The following NUDT12 variants were observed in gnomAD, a reference collection of about 807,000 sequenced individuals.
NUDT12 encodes the protein nudix hydrolase 12.
In NUDT12, 42 loss-of-function variants were observed where a neutral mutation model predicts 45.7. The observed-to-expected ratio is 0.92, with a 90% CI of 0.72 to 1.19. NUDT12 has a LOEUF of 1.19. Ranked by LOEUF, NUDT12 falls within the 50% of genes most tolerant of loss-of-function variation. The probability of loss-of-function intolerance (pLI) is 0.00; values close to 1 mark genes in which losing one functional copy is unlikely to be tolerated. For missense variants in NUDT12, 590 were observed against 533.1 expected, an observed-to-expected ratio of 1.11 and a Z score of -1.05; for synonymous variants, 206 against 179.7, an observed-to-expected ratio of 1.15 and a Z score of -1.17.
At chr5:103,557,757 C>T (rs1291283305) in intron 3 of NUDT12, among the ~76,000 whole-genome samples, 1 of 151,776 alleles carries the variant, frequency 6.6e-6, no homozygotes, top group Non-Finnish European at 1.5e-5. Context: ...TTTGATGGCT[C>T]TCCTGCTTGC....
rs1365034297 is a variant in NUDT12, at chr5:103,554,886, C to T, written c.965-33G>A. The T allele has an allele frequency of 1.4e-5, 12 of 854,344 alleles. No individual in the cohort carries two copies. In the East Asian group the frequency reaches 2.8e-4, roughly 20 times the overall value. The allele number at this position is 854,344 out of a possible 1,614,324, so 52.9% of individuals were successfully genotyped here. On this transcript the variant is annotated intron_variant, in intron 4 of 6. Coordinates refer to ENST00000230792, the MANE Select transcript of NUDT12 (RefSeq NM_031438.4). ...AAAAAAAAATCAGATACATGAATGG[C>T]AGGAAAAACGAATTTAGATTCATTG... is the stretch of plus-strand genomic sequence containing the variant.
chr5:103,551,895 A>G lies in NUDT12; in HGVS notation c.1278+322T>C, dbSNP rs373845658. Among the ~76,000 whole-genome samples, 37 of 152,330 alleles carry G rather than the reference A, an allele frequency of 2.4e-4. No individual in the cohort carries two copies. In the East Asian group the frequency reaches 3.7e-3, roughly 15 times the overall value. On this transcript the variant is annotated intron_variant, in intron 6 of 6. Transcript: ENST00000230792. ...AAACTAAAATATAAAATGTATAAGA[A>G]TATTCCTGTTTCTCATCTATGAATT...
intron 3 of NUDT12, among the ~76,000 whole-genome samples, chr5:103,558,208 G>A (rs369974857): frequency 2.0e-5 from 3 of 151,798 alleles, no homozygotes; most frequent in South Asian, 2.1e-4. Context: ...CTTAATTCAT[G>A]CCATATTACC....
Position 103,550,842 on chromosome 5 carries a change from C to G in NUDT12, c.*19G>C. On this transcript the variant is annotated 3_prime_UTR_variant, in exon 7 of 7. Coordinates refer to ENST00000230792, the MANE Select transcript of NUDT12 (RefSeq NM_031438.4). ...TTATTAGAAATTATTAAATAATACTCAAAGCTTAGTTCTTAGATTTAGAGA... is the reference window on the plus strand; with the variant it reads ...TTATTAGAAATTATTAAATAATACTGAAAGCTTAGTTCTTAGATTTAGAGA... The G allele has an allele frequency of 6.6e-7, 1 of 1,510,772 alleles. No homozygotes were observed. Among genetic ancestry groups the G allele is most frequent in the Non-Finnish European group, 9.2e-7 (1 of 1,086,586 alleles). The allele number at this position is 1,510,772 out of a possible 1,614,324, so 93.6% of individuals were successfully genotyped here. A position where few individuals can be genotyped will look rare whatever the true frequency, so the allele number is the denominator to read the frequency against.
intron 6 of NUDT12, among the ~76,000 whole-genome samples, chr5:103,551,265 T>A (rs1455925480): frequency 6.6e-6 from 1 of 151,888 alleles, no homozygotes; most frequent in Non-Finnish European, 1.5e-5. Context: ...GTACCATAGG[T>A]GCACCTGGCT....
In NUDT12 at chr5:103,548,869, TTAATG is replaced by T. The variant is rs1414122774; in HGVS notation, c.*1987_*1991del. The T allele has an allele frequency of 6.6e-6, 1 of 152,166 alleles. No individual in the cohort carries two copies. The highest frequency in any genetic ancestry group is 1.5e-5 in the Non-Finnish European group (1 of 68,000). 9.4% of individuals were successfully genotyped at this position (152,166 alleles called of 1,614,324 possible). A position where few individuals can be genotyped will look rare whatever the true frequency, so the allele number is the denominator to read the frequency against. The stretch of plus-strand genomic sequence containing the variant: ...ACAAAACAAAATAGATTTTAAAAAT[TTAATG>T]TATTATTACATTCATTTCCAGTAGA... On this transcript the variant is annotated 3_prime_UTR_variant, in exon 7 of 7. Coordinates refer to ENST00000230792, the MANE Select transcript of NUDT12 (RefSeq NM_031438.4).
chr5:103,550,075 T>C lies in NUDT12; in HGVS notation c.*786A>G, dbSNP rs1253884533. The stretch of plus-strand genomic sequence containing the variant: ...TGAGGAGAATTCCTTTCAAGTTTAA[T>C]TTCAGTGCAAAAGCAGAGAATCTTG... On this transcript the variant is annotated 3_prime_UTR_variant, in exon 7 of 7. Transcript: ENST00000230792. 2 of 152,186 alleles carry C rather than the reference T, an allele frequency of 1.3e-5. No homozygotes were observed. The highest frequency in any genetic ancestry group is 2.4e-5 in the African/African-American group (1 of 41,450). 9.4% of individuals were successfully genotyped at this position (152,186 alleles called of 1,614,324 possible). A position where few individuals can be genotyped will look rare whatever the true frequency, so the allele number is the denominator to read the frequency against.
Position 103,559,186 on chromosome 5 carries a change from A to T in NUDT12, c.489T>A (p.Gly163=), listed in dbSNP as rs552848658. Residue 163 remains glycine, a synonymous_variant, in exon 3 of 7, where the codon GGT becomes GGA. Coordinates refer to ENST00000230792, the MANE Select transcript of NUDT12 (RefSeq NM_031438.4). Reference sequence around the variant, plus strand: ...GCTGTTGGAAACTTTCTTTATTGCCACCTAGAGTAACCAAGGGATTTAAAT... The same window carrying T: ...GCTGTTGGAAACTTTCTTTATTGCCTCCTAGAGTAACCAAGGGATTTAAAT... ...FSDLNPLVTL[G]GNKESFQQPE... is the part of the protein sequence containing the mutation. The T allele has an allele frequency of 6.4e-7, 1 of 1,558,778 alleles. No homozygotes were observed. Among genetic ancestry groups the T allele is most frequent in the South Asian group, 1.3e-5 (1 of 79,394 alleles).
rs1748585509 is a variant in NUDT12 at position 103,549,471 on chromosome 5, CTTTTAA to C, written c.*1384_*1389del. The C allele has an allele frequency of 6.6e-6, 1 of 151,772 alleles. No homozygotes were observed. The highest frequency in any genetic ancestry group is 2.4e-5 in the African/African-American group (1 of 41,404). The allele number at this position is 151,772 out of a possible 1,614,324, so 9.4% of individuals were successfully genotyped here. On this transcript the variant is annotated 3_prime_UTR_variant, in exon 7 of 7. Coordinates refer to ENST00000230792, the MANE Select transcript of NUDT12 (RefSeq NM_031438.4). The stretch of plus-strand genomic sequence containing the variant: ...ATTAAATTTATTCTTATCATTCCTT[CTTTTAA>C]TTTTGTCTATATATATTTTTAGTAA...
chr5:103,559,474 G>T lies in NUDT12; in HGVS notation c.207-6C>A. 7.2e-7 allele frequency: 1 copy of T among 1,390,062 alleles called. No individual in the cohort carries two copies. The highest frequency in any genetic ancestry group is 9.4e-7 in the Non-Finnish European group (1 of 1,060,364). The allele number at this position is 1,390,062 out of a possible 1,614,324, so 86.1% of individuals were successfully genotyped here. A position where few individuals can be genotyped will look rare whatever the true frequency, so the allele number is the denominator to read the frequency against. The stretch of plus-strand genomic sequence containing the variant: ...TGACAATTGATCTGTCACACCTATA[G>T]ATGGAAGAAAAAATTGGGGAGAAAA... On this transcript the variant is annotated splice_region_variant and splice_polypyrimidine_tract_variant and intron_variant, in intron 2 of 6. Transcript: ENST00000230792.
intron 5 of NUDT12, among the ~76,000 whole-genome samples, chr5:103,552,680 C>G (rs894201874): frequency 3.3e-5 from 5 of 152,042 alleles, no homozygotes; most frequent in Non-Finnish European, 7.4e-5. Context: ...AATAATGATA[C>G]CATCTAAAAA....
At chr5:103,556,473 C>G (rs758641446) in intron 3 of NUDT12, among the ~76,000 whole-genome samples, 4 of 151,918 alleles carry the variant, frequency 2.6e-5, no homozygotes, top group Non-Finnish European at 4.4e-5. Context: ...ACCACAAAGT[C>G]AGTTCTTAAG....
intron 1 of NUDT12, among the ~76,000 whole-genome samples, chr5:103,561,237 A>C (rs928615802): frequency 1.3e-5 from 2 of 152,174 alleles, no homozygotes; most frequent in African/African-American, 4.8e-5. Context: ...TTTTAAGCTA[A>C]AAAGACAGAA....
At chr5:103,556,519 A>G (rs1562619067) in intron 3 of NUDT12, among the ~76,000 whole-genome samples, 1 of 152,054 alleles carries the variant, frequency 6.6e-6, no homozygotes, top group African/African-American at 2.4e-5. Flanking sequence ...TTACTAGGAA[A>G]CTGTAGGAGG....
chr5:103,556,863 G>A (rs1748839089), intron 3 of NUDT12, among the ~76,000 whole-genome samples: 1 of 151,828 alleles, frequency 6.6e-6, no homozygotes. Flanking sequence ...TTTTTGAAAT[G>A]AACAAAATAA....
Position 103,549,650 on chromosome 5 carries a change from C to T in NUDT12, c.*1211G>A, listed in dbSNP as rs977236320. On this transcript the variant is annotated 3_prime_UTR_variant, in exon 7 of 7. Transcript: ENST00000230792. The stretch of plus-strand genomic sequence containing the variant: ...TCTATAAAATAAGGAAAGCTAATTT[C>T]ATATATTATCCTTAAGGTCTCTTGT... 5 of 151,938 alleles carry T rather than the reference C, an allele frequency of 3.3e-5. No individual in the cohort carries two copies. Among genetic ancestry groups the T allele is most frequent in the African/African-American group, 9.7e-5 (4 of 41,404 alleles). The allele number at this position is 151,938 out of a possible 1,614,324, so 9.4% of individuals were successfully genotyped here.
At chr5:103,556,679 T>G (rs941608376) in intron 3 of NUDT12, among the ~76,000 whole-genome samples, 3 of 152,086 alleles carry the variant, frequency 2.0e-5, no homozygotes, top group African/African-American at 7.2e-5. Flanking sequence ...AAATGCCTAA[T>G]AGGATAAATC....
At position 103,554,807 on chromosome 5, in the gene NUDT12, G is replaced by A; in HGVS notation, c.1011C>T (p.Cys337=). ...GAAATCTTTTCTGCCTGCCTAAAAG[G>A]CATTTGGTCCCATCTGGATGAATAA... ...MQVIHPDGTK[C]LLGRQKRFPP... is the part of the protein sequence containing the mutation. Residue 337 remains cysteine (C), a synonymous_variant, in exon 5 of 7, where the codon TGC becomes TGT. Coordinates refer to ENST00000230792, the MANE Select transcript of NUDT12 (RefSeq NM_031438.4). 6.4e-7 allele frequency: 1 copy of A among 1,565,142 alleles called. No homozygotes were observed. The highest frequency in any genetic ancestry group is 8.7e-7 in the Non-Finnish European group (1 of 1,151,368).
Position 103,559,079 on chromosome 5 carries a change from A to G in NUDT12, c.596T>C (p.Leu199Pro), listed in dbSNP as rs1330271134. 4 of 1,613,038 alleles carry G rather than the reference A, an allele frequency of 2.5e-6. No individual in the cohort carries two copies. Among genetic ancestry groups the G allele is most frequent in the Non-Finnish European group, 3.4e-6 (4 of 1,179,576 alleles). Residue 199 changes from leucine to proline, a missense_variant, in exon 3 of 7, where the codon CTT (leucine) becomes CCT (proline). Coordinates refer to ENST00000230792, the MANE Select transcript of NUDT12 (RefSeq NM_031438.4). Reference protein sequence around the residue: ...AQPEKITLIFLGVELEIKDKL... With the variant: ...AQPEKITLIFPGVELEIKDKL... ...GTCTTTTATTTCAAGTTCTACTCCA[A>G]GAAAAATCAAGGTGATCTTCTCAGG...
Sources: allele counts gnomAD v4.1 joint callset (sites outside exome capture counted in the v4.1 genomes callset), GRCh38; gene constraint gnomAD v4.1.1; transcripts MANE v1.5; gene names NCBI Gene and HGNC (gene_info 2026-07-23, HGNC 2026-07-21).